The following SH3KBP1 variants were observed in gnomAD, a reference collection of about 807,000 sequenced individuals.
SH3KBP1 encodes SH3 domain containing kinase binding protein 1.
A neutral mutation model predicts 50.1 loss-of-function variants in SH3KBP1; 8 were observed. The observed-to-expected ratio is 0.16, with a 90% confidence interval of 0.09 to 0.29. The LOEUF is 0.29. Among genes scored for constraint, SH3KBP1 ranks in the 10% least tolerant of loss-of-function variants. SH3KBP1 has a pLI of 1.00. For synonymous variants in SH3KBP1, 227 were observed against 218.6 expected, an observed-to-expected ratio of 1.04 and a Z score of -0.34; for missense variants, 377 against 535.2, an observed-to-expected ratio of 0.70 and a Z score of 2.92.
chrX:19,730,915 A>ATTTAT (rs1256933858), intron 3 of SH3KBP1, among the ~76,000 whole-genome samples: 5 of 111,914 alleles, frequency 4.5e-5, no homozygotes, highest in East Asian at 2.8e-4. Context: ...ATACACTTTC[A>ATTTAT]TTTATTTTAT....
intron 2 of SH3KBP1, among the ~76,000 whole-genome samples, chrX:19,802,351 C>T (rs1410301873): frequency 9.0e-6 from 1 of 111,099 alleles, no homozygotes; most frequent in Non-Finnish European, 1.9e-5. Context: ...GCCAAGATTG[C>T]ACCACTGCAC....
intron 13 of SH3KBP1, among the ~76,000 whole-genome samples, chrX:19,561,176 C>A (rs754040616): frequency 1.8e-5 from 2 of 109,020 alleles, no homozygotes; most frequent in Non-Finnish European, 3.8e-5. Context: ...ACATGGAAGC[C>A]AAAATTACAC....
intron 3 of SH3KBP1, among the ~76,000 whole-genome samples, chrX:19,741,197 C>T (rs1039065325): frequency 8.9e-6 from 1 of 112,064 alleles, no homozygotes; most frequent in African/African-American, 3.3e-5. Flanking sequence ...AGAAATGAAC[C>T]CACAGAGCAA....
chrX:19,785,739 T>C (rs1384461177), intron 2 of SH3KBP1, among the ~76,000 whole-genome samples: 1 of 112,031 alleles, frequency 8.9e-6, no homozygotes, highest in Non-Finnish European at 1.9e-5. Context: ...GAGGATATGA[T>C]TCAGCCTTAC....
rs1045391554 is a variant in SH3KBP1, at chrX:19,724,836, G to A, written c.287-17852C>T. 2.7e-5 allele frequency among the ~76,000 whole-genome samples: 3 copies of A among 111,764 alleles called. No homozygotes were observed. In the Admixed American group the frequency reaches 2.8e-4, roughly 11 times the overall value. On this transcript the variant is annotated intron_variant, in intron 3 of 17. Coordinates refer to ENST00000397821, the MANE Select transcript of SH3KBP1 (RefSeq NM_031892.3). ...GACACCTTCCCTGACTGCTTTTGAG[G>A]CAGGGTTATGGTCCCCTGCAACCAC...
intron 2 of SH3KBP1, among the ~76,000 whole-genome samples, chrX:19,784,004 G>A: frequency 1.8e-5 from 2 of 111,964 alleles, no homozygotes; most frequent in Non-Finnish European, 3.8e-5. Context: ...AGGCCATTAT[G>A]TTCCTCAAAT....
At chrX:19,777,573 G>C (rs1354276229) in intron 2 of SH3KBP1, among the ~76,000 whole-genome samples, 3 of 111,221 alleles carry the variant, frequency 2.7e-5, no homozygotes, top group African/African-American at 9.8e-5. Flanking sequence ...TACTCTGAAG[G>C]GCCTGTCTAA....
intron 12 of SH3KBP1, among the ~76,000 whole-genome samples, chrX:19,583,729 G>A (rs1218403455): frequency 9.4e-6 from 1 of 106,219 alleles, no homozygotes; most frequent in Non-Finnish European, 1.9e-5. Flanking sequence ...GTCTGACCAG[G>A]ACTAATATAA....
At chrX:19,553,107 G>A (rs1381711130) in intron 13 of SH3KBP1, among the ~76,000 whole-genome samples, 1 of 111,535 alleles carries the variant, frequency 9.0e-6, no homozygotes, top group African/African-American at 3.3e-5. Context: ...GCTGGAGCCA[G>A]GAAGAGGCCC....
chrX:19,601,176 GA>G (rs2067078602), intron 9 of SH3KBP1, among the ~76,000 whole-genome samples: 1 of 111,805 alleles, frequency 8.9e-6, no homozygotes, highest in Admixed American at 9.5e-5. Context: ...CTGGCACCAA[GA>G]CATGCAGACA....
At chrX:19,700,275 G>T (rs1194530923) in intron 4 of SH3KBP1, among the ~76,000 whole-genome samples, 1 of 111,677 alleles carries the variant, frequency 9.0e-6, no homozygotes, top group Non-Finnish European at 1.9e-5. Flanking sequence ...TTGTAATACT[G>T]TTCCTTTCTC....
chrX:19,675,441 G>T (rs2062903396), intron 6 of SH3KBP1, among the ~76,000 whole-genome samples: 1 of 104,654 alleles, frequency 9.6e-6, no homozygotes, highest in African/African-American at 3.5e-5. Context: ...GTCTCGCTCT[G>T]TCGCCCAGGC....
chrX:19,836,852 G>A (rs2068073300), intron 1 of SH3KBP1, among the ~76,000 whole-genome samples: 1 of 111,904 alleles, frequency 8.9e-6, no homozygotes, highest in Non-Finnish European at 1.9e-5. Context: ...TTACTCTCAT[G>A]CTTTTCTTGT....
At chrX:19,591,698 T>G (rs906874370) in intron 11 of SH3KBP1, among the ~76,000 whole-genome samples, 5 of 112,169 alleles carry the variant, frequency 4.5e-5, no homozygotes, top group African/African-American at 1.6e-4. Flanking sequence ...AATGAGCACC[T>G]TGGGACACTA....
At chrX:19,565,981 G>C (rs1228439858) in intron 13 of SH3KBP1, among the ~76,000 whole-genome samples, 1 of 106,031 alleles carries the variant, frequency 9.4e-6, no homozygotes, top group African/African-American at 3.5e-5. Flanking sequence ...CTGGAGTACA[G>C]TGGTGTGATC....
chrX:19,594,846 T>C lies in SH3KBP1; in HGVS notation c.1057+103A>G, dbSNP rs774490099. 11 of 617,823 alleles carry C rather than the reference T, an allele frequency of 1.8e-5. No individual in the cohort carries two copies. In the South Asian group the frequency reaches 2.5e-4, roughly 14 times the overall value. 50.9% of individuals were successfully genotyped at this position (617,823 alleles called of 1,213,427 possible). A position where few individuals can be genotyped will look rare whatever the true frequency, so the allele number is the denominator to read the frequency against. ...CGTAACTTCCCAAGTAGTCAATCTATGGCACTTGAACCAGGAATCCCGAAC... is the reference window on the plus strand; with the variant it reads ...CGTAACTTCCCAAGTAGTCAATCTACGGCACTTGAACCAGGAATCCCGAAC... On this transcript the variant is annotated intron_variant, in intron 10 of 17. Coordinates refer to ENST00000397821, the MANE Select transcript of SH3KBP1 (RefSeq NM_031892.3).
At chrX:19,856,986 T>C (rs1334878313) in intron 1 of SH3KBP1, among the ~76,000 whole-genome samples, 1 of 81,834 alleles carries the variant, frequency 1.2e-5, no homozygotes, top group African/African-American at 5.5e-5. Flanking sequence ...TTTTTTTTTT[T>C]GCTTAGTGGA....
intron 13 of SH3KBP1, among the ~76,000 whole-genome samples, chrX:19,564,843 T>C (rs1476831321): frequency 1.8e-5 from 2 of 109,483 alleles, no homozygotes; most frequent in Non-Finnish European, 3.8e-5. Flanking sequence ...CTGTGGGGGC[T>C]ATCCTACACA....
chrX:19,573,676 G>C (rs1371712263), intron 12 of SH3KBP1, among the ~76,000 whole-genome samples: 4 of 111,511 alleles, frequency 3.6e-5, no homozygotes, highest in African/African-American at 1.3e-4. Context: ...GTATTACCAA[G>C]GTAAAAGCTG....
Sources: gnomAD v4.1 joint callset for allele counts (sites outside exome capture counted in the v4.1 genomes callset) on GRCh38, gnomAD v4.1.1 for gene constraint, MANE v1.5 for transcripts, NCBI Gene and HGNC (gene_info 2026-07-23, HGNC 2026-07-21) for gene names.